FAM117B: variants seen among roughly 807,000 people sequenced by gnomAD.
FAM117B encodes protein FAM117B.
FAM117B carries 22 observed loss-of-function variants against 52.8 expected under a neutral mutation model. The observed-to-expected ratio is 0.42, with a 90% CI of 0.30 to 0.59. FAM117B has a LOEUF of 0.59. FAM117B is among the 20% of genes least tolerant of loss of function. The pLI is 0.22. For missense variants in FAM117B, 678 were observed against 802.6 expected (o/e 0.84, Z 1.88); for synonymous variants, 309 against 324.1 (o/e 0.95, Z 0.50).
chr2:202,671,697 G>C (rs1225129361), intron 1 of FAM117B, among the ~76,000 whole-genome samples: 1 of 152,204 alleles, frequency 6.6e-6, no homozygotes, highest in Non-Finnish European at 1.5e-5. Flanking sequence ...CTTTGATTTT[G>C]ATTAAAATTC....
chr2:202,747,440 G>GA (rs978212736), intron 4 of FAM117B, among the ~76,000 whole-genome samples: 4 of 150,668 alleles, frequency 2.7e-5, no homozygotes, highest in African/African-American at 7.3e-5. Flanking sequence ...CCAGATGAAA[G>GA]AAAAAAAAGG....
intron 1 of FAM117B, among the ~76,000 whole-genome samples, chr2:202,647,434 A>G (rs749030892): frequency 3.9e-5 from 6 of 152,122 alleles, no homozygotes; most frequent in Non-Finnish European, 7.4e-5. Context: ...GTGTATATAT[A>G]TTTTTTTCTG....
chr2:202,762,050 T>TA lies in FAM117B; in HGVS notation c.1451+2704dup, dbSNP rs1449432615. 6.6e-5 allele frequency among the ~76,000 whole-genome samples: 10 copies of TA among 152,256 alleles called. No individual in the cohort carries two copies. In the East Asian group the frequency reaches 1.5e-3, roughly 23 times the overall value. The stretch of plus-strand genomic sequence containing the variant: ...ATAAAATAAGTTACTCAAAGTCTTT[T>TA]AAAAAAATTAGTGTCTTTTTGTCCC... On this transcript the variant is annotated intron_variant, in intron 7 of 7. Coordinates refer to ENST00000392238, the MANE Select transcript of FAM117B (RefSeq NM_173511.4).
Position 202,635,043 on chromosome 2 carries a change from CG to C in FAM117B, c.-143del. The C allele has an allele frequency of 2.7e-6, 3 of 1,123,328 alleles. No individual in the cohort carries two copies. Among genetic ancestry groups the C allele is most frequent in the Non-Finnish European group, 3.4e-6 (3 of 883,032 alleles). 69.6% of individuals were successfully genotyped at this position (1,123,328 alleles called of 1,614,324 possible). A position where few individuals can be genotyped will look rare whatever the true frequency, so the allele number is the denominator to read the frequency against. On this transcript the variant is annotated 5_prime_UTR_variant, in exon 1 of 8. Transcript: ENST00000392238. ...TGCACCACCTCGTTGCTGCCTGCCC[CG>C]GCCCGGTCTCCCCCTGCACCCCGGA...
chr2:202,707,243 C>A (rs1213443794), intron 2 of FAM117B, among the ~76,000 whole-genome samples: 1 of 150,342 alleles, frequency 6.7e-6, no homozygotes, highest in Non-Finnish European at 1.5e-5. Flanking sequence ...GAGATGCGGG[C>A]CTTACTATGT....
rs573447389 is a variant in FAM117B at position 202,716,259 on chromosome 2, G to C, written c.754-8658G>C. On this transcript the variant is annotated intron_variant, in intron 2 of 7. Transcript: ENST00000392238. Reference sequence around the variant, plus strand: ...TCTTTTTCCATCCCTTTTTTTTTCAGCGTATATAGTTTTTCATAAATGAAA... The same window carrying C: ...TCTTTTTCCATCCCTTTTTTTTTCACCGTATATAGTTTTTCATAAATGAAA... Among the ~76,000 whole-genome samples, 19 of 150,752 alleles carry C rather than the reference G, an allele frequency of 1.3e-4. No homozygotes were observed. In the East Asian group the frequency reaches 2.5e-3, roughly 20 times the overall value.
chr2:202,756,092 C>CA, intron 5 of FAM117B, among the ~76,000 whole-genome samples: 1 of 152,260 alleles, frequency 6.6e-6, no homozygotes, highest in African/African-American at 2.4e-5. Context: ...TTTTGGTTGA[C>CA]ATGCTAGGCT....
intron 1 of FAM117B, among the ~76,000 whole-genome samples, chr2:202,652,665 A>G (rs1370187552): frequency 1.3e-5 from 2 of 152,208 alleles, no homozygotes; most frequent in East Asian, 1.9e-4. Flanking sequence ...TTGGTAGAGT[A>G]GAGATCTTTC....
intron 1 of FAM117B, among the ~76,000 whole-genome samples, chr2:202,680,133 G>A (rs1690440634): frequency 6.6e-6 from 1 of 152,098 alleles, no homozygotes; most frequent in South Asian, 2.1e-4. Flanking sequence ...GTTGAAAACG[G>A]CAGTAGAAAC....
chr2:202,697,327 A>G (rs753823645), intron 2 of FAM117B, among the ~76,000 whole-genome samples: 1 of 152,206 alleles, frequency 6.6e-6, no homozygotes, highest in Non-Finnish European at 1.5e-5. Flanking sequence ...CATGCCCAGG[A>G]CTTAATACTA....
chr2:202,754,763 G>A (rs1198188777), intron 4 of FAM117B, among the ~76,000 whole-genome samples: 1 of 151,334 alleles, frequency 6.6e-6, no homozygotes, highest in East Asian at 2.0e-4. Flanking sequence ...GGTGGCGGGT[G>A]CCTGTAGTCC....
chr2:202,642,351 A>ATATG (rs1371364736), intron 1 of FAM117B, among the ~76,000 whole-genome samples: 1 of 147,792 alleles, frequency 6.8e-6, no homozygotes, highest in Non-Finnish European at 1.5e-5. Context: ...TAGAATATAT[A>ATATG]TATATATATA....
At chr2:202,733,703 GCTGTTATT>G (rs1273644354) in intron 4 of FAM117B, among the ~76,000 whole-genome samples, 1 of 152,098 alleles carries the variant, frequency 6.6e-6, no homozygotes, top group Non-Finnish European at 1.5e-5. Flanking sequence ...CCCTAAAATC[GCTGTTATT>G]CTGTTCGTTT....
chr2:202,668,766 A>C (rs1434637100), intron 1 of FAM117B, among the ~76,000 whole-genome samples: 1 of 152,124 alleles, frequency 6.6e-6, no homozygotes, highest in African/African-American at 2.4e-5. Context: ...TGCATGTCTC[A>C]TGCATTAAAT....
At chr2:202,684,842 A>G (rs1237327648) in intron 1 of FAM117B, among the ~76,000 whole-genome samples, 2 of 152,224 alleles carry the variant, frequency 1.3e-5, no homozygotes, top group African/African-American at 4.8e-5. Context: ...TGTATTCCCT[A>G]GGAATAATGG....
At chr2:202,650,887 G>A (rs1169815695) in intron 1 of FAM117B, among the ~76,000 whole-genome samples, 1 of 152,000 alleles carries the variant, frequency 6.6e-6, no homozygotes, top group Non-Finnish European at 1.5e-5. Flanking sequence ...CCTGATTGAG[G>A]GTGGGTCTGC....
At chr2:202,696,063 G>T in intron 2 of FAM117B, 31 bp downstream of exon 2, 2 of 1,599,968 alleles carry the variant, frequency 1.3e-6, no homozygotes, top group Non-Finnish European at 1.7e-6. Flanking sequence ...ATCCTGAAGT[G>T]TTTTTCTCTG....
intron 1 of FAM117B, among the ~76,000 whole-genome samples, 187 bp from the exon 2 acceptor site, chr2:202,695,694 A>G (rs573415520): frequency 6.6e-6 from 1 of 152,330 alleles, no homozygotes; most frequent in African/African-American, 2.4e-5. Flanking sequence ...AGGAAAAAAC[A>G]GTGTATATAG....
intron 2 of FAM117B, among the ~76,000 whole-genome samples, chr2:202,713,394 TTTTA>T (rs1478202286): frequency 1.3e-5 from 2 of 152,192 alleles, no homozygotes; most frequent in Non-Finnish European, 2.9e-5. Flanking sequence ...CCCTCTCTGA[TTTTA>T]TTTATTTAGA....
Sources: gnomAD v4.1 joint callset for allele counts (sites outside exome capture counted in the v4.1 genomes callset) on GRCh38, gnomAD v4.1.1 for gene constraint, MANE v1.5 for transcripts, NCBI Gene and HGNC (gene_info 2026-07-23, HGNC 2026-07-21) for gene names.